The following IQCH variants were observed in gnomAD, a reference collection of about 807,000 sequenced individuals.
IQCH encodes IQ motif containing H.
In IQCH, 98 loss-of-function variants were observed where a neutral mutation model predicts 117.0. That is an observed-to-expected ratio of 0.84 (90% CI 0.71 to 0.99). The LOEUF (loss-of-function observed/expected upper bound fraction) is 0.99. Ranked by LOEUF, IQCH falls within the 50% of genes least tolerant of loss-of-function variation. The probability of loss-of-function intolerance (pLI) is 0.00; values close to 1 mark genes in which losing one functional copy is unlikely to be tolerated. For missense variants in IQCH, 1,102 were observed against 1,243.8 expected, an observed-to-expected ratio of 0.89 and a Z score of 1.72; for synonymous variants, 412 against 448.2, an observed-to-expected ratio of 0.92 and a Z score of 1.02.
At chr15:67,257,520 G>A (rs1340706499) in intron 1 of IQCH, among the ~76,000 whole-genome samples, 1 of 152,220 alleles carries the variant, frequency 6.6e-6, no homozygotes, top group Non-Finnish European at 1.5e-5. Context: ...TAGGTACAAA[G>A]AAGTAAAGCA....
rs2082649059 is a variant in IQCH, at chr15:67,456,006, AT to A, written c.2506-9120del. On this transcript the variant is annotated intron_variant, in intron 16 of 20. Transcript: ENST00000335894. This position sits in a 1 kb window ranked among gnomAD's most constrained non-coding sequence, Gnocchi z 5.1. ...AAAGCAAAGAAATGCTTAAAAAGAA[AT>A]GAGTATATTCTGTATCTTTATAAAT... 6.6e-6 allele frequency among the ~76,000 whole-genome samples: 1 copy of A among 152,218 alleles called. No individual in the cohort carries two copies. The highest frequency in any genetic ancestry group is 2.4e-5 in the African/African-American group (1 of 41,454).
chr15:67,455,433 A>G (rs990559912), intron 16 of IQCH, among the ~76,000 whole-genome samples: 2 of 152,242 alleles, frequency 1.3e-5, no homozygotes, highest in Admixed American at 6.5e-5. Flanking sequence ...CTCTAAGGCC[A>G]TAGCTCAGAC....
intron 10 of IQCH, among the ~76,000 whole-genome samples, chr15:67,377,495 A>G (rs945201889): frequency 2.6e-5 from 4 of 152,374 alleles, no homozygotes; most frequent in African/African-American, 9.6e-5. Context: ...TAGAAAAACC[A>G]GATGTCTAAA....
At chr15:67,271,257 C>G (rs1728415475) in intron 3 of IQCH, among the ~76,000 whole-genome samples, 1 of 152,198 alleles carries the variant, frequency 6.6e-6, no homozygotes, top group African/African-American at 2.4e-5. Flanking sequence ...TGTGAGCCAC[C>G]ACGCCCAGCC....
At chr15:67,333,089 TG>T (rs1968736252) in intron 4 of IQCH, among the ~76,000 whole-genome samples, 1 of 152,176 alleles carries the variant, frequency 6.6e-6, no homozygotes, top group Non-Finnish European at 1.5e-5. Context: ...AGCAGCTCTC[TG>T]GGGTCTCTTT....
chr15:67,409,531 A>G (rs1567164257), intron 14 of IQCH, among the ~76,000 whole-genome samples: 1 of 152,204 alleles, frequency 6.6e-6, no homozygotes, highest in African/African-American at 2.4e-5. Context: ...ATCAACTGCT[A>G]GGCCTGCATG....
At chr15:67,307,983 A>T (rs191210676) in intron 4 of IQCH, among the ~76,000 whole-genome samples, 1 of 152,320 alleles carries the variant, frequency 6.6e-6, no homozygotes, top group Non-Finnish European at 1.5e-5. Flanking sequence ...GTTGAGGCAG[A>T]CAAAGCTGCT....
intron 4 of IQCH, among the ~76,000 whole-genome samples, chr15:67,316,672 A>G (rs1415967226): frequency 6.6e-6 from 1 of 152,190 alleles, no homozygotes; most frequent in East Asian, 1.9e-4. Flanking sequence ...CAGTAACCCT[A>G]AGAGGTAAGT....
intron 4 of IQCH, among the ~76,000 whole-genome samples, chr15:67,288,110 T>C (rs1966630255): frequency 6.6e-6 from 1 of 152,132 alleles, no homozygotes; most frequent in Non-Finnish European, 1.5e-5. Flanking sequence ...AGAAAAAGCT[T>C]GATGTTATTT....
At chr15:67,300,445 G>A (rs916592122) in intron 4 of IQCH, among the ~76,000 whole-genome samples, 1 of 152,138 alleles carries the variant, frequency 6.6e-6, no homozygotes, top group Non-Finnish European at 1.5e-5. Flanking sequence ...AGGACTTGAC[G>A]TCTATTGTTC....
chr15:67,460,032 T>G (rs1430294978), intron 16 of IQCH: 1 of 152,122 alleles, frequency 6.6e-6, no homozygotes, highest in Admixed American at 6.5e-5. Flanking sequence ...AACCTATTAG[T>G]CCTAGCTACT....
rs145319171 is a variant in IQCH, at chr15:67,433,998, A to T, written c.2505+12421A>T. 6.6e-6 allele frequency among the ~76,000 whole-genome samples: 1 copy of T among 152,214 alleles called. No homozygotes were observed. The highest frequency in any genetic ancestry group is 1.9e-4 in the East Asian group (1 of 5,200). On this transcript the variant is annotated intron_variant, in intron 16 of 20. Coordinates refer to ENST00000335894, the MANE Select transcript of IQCH (RefSeq NM_001031715.3). This position sits in a 1 kb window ranked among gnomAD's most constrained non-coding sequence, Gnocchi z 5.4. ...ATTTTTATTTAAGGTGTACAACATG[A>T]TATTTCAATATAATATACCTTGTGA...
intron 16 of IQCH, among the ~76,000 whole-genome samples, chr15:67,464,845 T>A (rs1237939390): frequency 6.6e-6 from 1 of 152,174 alleles, no homozygotes; most frequent in Admixed American, 6.5e-5. Flanking sequence ...GGCAGAAAAA[T>A]CAAAGTCAAC....
chr15:67,315,524 T>C (rs1282067168), intron 4 of IQCH, among the ~76,000 whole-genome samples: 1 of 152,072 alleles, frequency 6.6e-6, no homozygotes, highest in African/African-American at 2.4e-5. Flanking sequence ...GTGGAATGAG[T>C]GATATTATCT....
At chr15:67,285,521 G>A (rs1050571060) in intron 4 of IQCH, among the ~76,000 whole-genome samples, 8 of 152,004 alleles carry the variant, frequency 5.3e-5, no homozygotes, top group African/African-American at 1.9e-4. Flanking sequence ...CATGAAATCT[G>A]TGCCCATGCC....
At chr15:67,346,915 T>TC (rs1969420027) in intron 6 of IQCH, among the ~76,000 whole-genome samples, 1 of 151,984 alleles carries the variant, frequency 6.6e-6, no homozygotes, top group African/African-American at 2.4e-5. Flanking sequence ...AAAAACACAC[T>TC]TCTAAATAAC....
Position 67,391,604 on chromosome 15 carries a change from T to C in IQCH, c.1632+2598T>C, listed in dbSNP as rs1470973186. On this transcript the variant is annotated intron_variant, in intron 12 of 20. Coordinates refer to ENST00000335894, the MANE Select transcript of IQCH (RefSeq NM_001031715.3). This position sits in a 1 kb window ranked among gnomAD's most constrained non-coding sequence, Gnocchi z 4.3. ...CTCAGGTCAAAAAAAAAATCAGTGGTGATAAATTAAATGTAGCCATAATTC... is the reference window on the plus strand; with the variant it reads ...CTCAGGTCAAAAAAAAAATCAGTGGCGATAAATTAAATGTAGCCATAATTC... Among the ~76,000 whole-genome samples, 2 of 152,068 alleles carry C rather than the reference T, an allele frequency of 1.3e-5. No homozygotes were observed. Among genetic ancestry groups the C allele is most frequent in the African/African-American group, 4.8e-5 (2 of 41,436 alleles).
chr15:67,372,708 AT>A, intron 9 of IQCH, 46 bp downstream of exon 9: 2 of 1,500,278 alleles, frequency 1.3e-6, no homozygotes, highest in Middle Eastern at 1.8e-4. Context: ...TTTTCTAAAC[AT>A]TTCGTGCTTG....
intron 4 of IQCH, among the ~76,000 whole-genome samples, chr15:67,310,249 A>G (rs967371913): frequency 2.0e-5 from 3 of 152,076 alleles, no homozygotes; most frequent in Admixed American, 6.6e-5. Context: ...ATTGATGCCA[A>G]ATTTTAATGC....
Sources: allele counts gnomAD v4.1 joint callset (sites outside exome capture counted in the v4.1 genomes callset), GRCh38; gene constraint gnomAD v4.1.1; non-coding constraint Gnocchi (gnomAD v3.1); transcripts MANE v1.5; gene names NCBI Gene and HGNC (gene_info 2026-07-23, HGNC 2026-07-21).